KCNK12: variants seen among roughly 807,000 people sequenced by gnomAD.
KCNK12 encodes potassium two pore domain channel subfamily K member 12.
A neutral mutation model predicts 25.3 loss-of-function variants in KCNK12; 6 were observed. The ratio of observed to expected loss-of-function variants is 0.24; its 90% confidence interval spans 0.13 to 0.47. The LOEUF (loss-of-function observed/expected upper bound fraction) is 0.47, where lower values mean the gene tolerates loss of function less well. KCNK12 is among the 20% of genes least tolerant of loss of function. KCNK12 has a pLI of 0.99. For missense variants in KCNK12, 444 were observed against 661.7 expected (o/e 0.67, Z 3.61); for synonymous variants, 331 against 311.1 (o/e 1.06, Z -0.67).
At chr2:47,567,979 G>A (rs910777142) in intron 1 of KCNK12, among the ~76,000 whole-genome samples, 1 of 152,134 alleles carries the variant, frequency 6.6e-6, no homozygotes, top group Non-Finnish European at 1.5e-5. Flanking sequence ...GCCTCCAAAG[G>A]AGCACCGAAT....
rs1008754462 is a variant in KCNK12, at chr2:47,540,825, C to G, written c.392-19017G>C. 6.6e-6 allele frequency among the ~76,000 whole-genome samples: 1 copy of G among 151,896 alleles called. No individual in the cohort carries two copies. Among genetic ancestry groups the G allele is most frequent in the Non-Finnish European group, 1.5e-5 (1 of 68,026 alleles). ...AGCAAGCTGGGCATGGTGGCTCACA[C>G]CTGTAGTTCCAGCTACTCAGGAGGC... On this transcript the variant is annotated intron_variant, in intron 1 of 1. Coordinates refer to ENST00000327876, the MANE Select transcript of KCNK12 (RefSeq NM_022055.2). This position sits in a 1 kb window ranked among gnomAD's most constrained non-coding sequence, Gnocchi z 5.4.
At chr2:47,535,052 C>T (rs1012411673) in intron 1 of KCNK12, 12 of 228,398 alleles carry the variant, frequency 5.3e-5, no homozygotes, top group Admixed American at 1.7e-4. Context: ...TGAGGGGGCA[C>T]GCAGAGCCCT....
At position 47,569,692 on chromosome 2, in the gene KCNK12, C is replaced by G. The variant is rs1480984518; in HGVS notation, c.391+249G>C. On this transcript the variant is annotated intron_variant, in intron 1 of 1. Coordinates refer to ENST00000327876, the MANE Select transcript of KCNK12 (RefSeq NM_022055.2). The surrounding 1 kb of genome is among the most constrained non-coding windows in gnomAD (Gnocchi z 4.1). ...GCTCACAAAGGTCAGATCACAGAGC[C>G]GGCCAGTGTTGGAGCACAGGCGGCC... is the stretch of plus-strand genomic sequence containing the variant. 6.6e-6 allele frequency among the ~76,000 whole-genome samples: 1 copy of G among 152,136 alleles called. No individual in the cohort carries two copies. Among genetic ancestry groups the G allele is most frequent in the Non-Finnish European group, 1.5e-5 (1 of 68,036 alleles).
intron 1 of KCNK12, among the ~76,000 whole-genome samples, chr2:47,531,409 G>T (rs1354824453): frequency 6.6e-6 from 1 of 152,044 alleles, no homozygotes; most frequent in Non-Finnish European, 1.5e-5. Context: ...GGAGGTCAAG[G>T]CTGCAGTGAG....
At chr2:47,564,404 G>A (rs759341087) in intron 1 of KCNK12, 5 of 226,008 alleles carry the variant, frequency 2.2e-5, no homozygotes, top group Non-Finnish European at 4.4e-5. Context: ...GATGATCACT[G>A]TGTCATTACT....
chr2:47,514,637 G>A lies in KCNK12; in HGVS notation c.*6270C>T, dbSNP rs549860312. On this transcript the variant is annotated 3_prime_UTR_variant, in exon 2 of 2. Transcript: ENST00000327876. The surrounding 1 kb of genome is among the most constrained non-coding windows in gnomAD (Gnocchi z 5.0). ...TTTTTTTCTTTCTTTTTGAGACAGG[G>A]TCTTACTCTGTCACCAAGGCTGGAG... is the stretch of plus-strand genomic sequence containing the variant. Among the ~76,000 whole-genome samples, 2 of 150,468 alleles carry A rather than the reference G, an allele frequency of 1.3e-5. No individual in the cohort carries two copies. The highest frequency in any genetic ancestry group is 2.4e-5 in the African/African-American group (1 of 40,892).
At position 47,543,151 on chromosome 2, in the gene KCNK12, A is replaced by G. The variant is rs572531784; in HGVS notation, c.392-21343T>C. The stretch of plus-strand genomic sequence containing the variant: ...TTTACTTGAGCAGATGTATCAACGT[A>G]GCTGTGAATAAGGAGCTACCAGGGC... On this transcript the variant is annotated intron_variant, in intron 1 of 1. Coordinates refer to ENST00000327876, the MANE Select transcript of KCNK12 (RefSeq NM_022055.2). Among the ~76,000 whole-genome samples the G allele has an allele frequency of 1.3e-4, 20 of 152,250 alleles. No homozygotes were observed. In the South Asian group the frequency reaches 2.1e-3, roughly 16 times the overall value.
At chr2:47,532,728 C>A (rs759898359) in intron 1 of KCNK12, among the ~76,000 whole-genome samples, 5 of 152,338 alleles carry the variant, frequency 3.3e-5, no homozygotes, top group Non-Finnish European at 7.3e-5. Flanking sequence ...TTGCCTGGCA[C>A]TTTTAGGTGC....
chr2:47,521,663 G>T lies in KCNK12; in HGVS notation c.537C>A (p.Cys179Ter). Residue 179 changes from cysteine to a stop codon, truncating the protein, a stop_gained, in exon 2 of 2, where the codon TGC becomes TGA. Transcript: ENST00000327876. LOFTEE classifies it high-confidence loss of function. ...ISLLAFIMRA[C>*]RERQLRRSGL... ...CGCTGCGGCGCAGCTGGCGCTCCCG[G>T]CAGGCGCGCATGATGAAGGCCAGCA... is the stretch of plus-strand genomic sequence containing the variant. The T allele has an allele frequency of 6.3e-7, 1 of 1,596,710 alleles. No homozygotes were observed. The highest frequency in any genetic ancestry group is 8.5e-7 in the Non-Finnish European group (1 of 1,173,906).
At chr2:47,544,712 C>G (rs1482018486) in intron 1 of KCNK12, among the ~76,000 whole-genome samples, 1 of 152,198 alleles carries the variant, frequency 6.6e-6, no homozygotes, top group African/African-American at 2.4e-5. Context: ...ATTACTCACA[C>G]AGTCTTCACC....
At chr2:47,550,019 G>T (rs1045918297) in intron 1 of KCNK12, among the ~76,000 whole-genome samples, 1 of 151,122 alleles carries the variant, frequency 6.6e-6, no homozygotes, top group Non-Finnish European at 1.5e-5. Flanking sequence ...TGCTGAAAAA[G>T]GTTGAACTTG....
intron 1 of KCNK12, among the ~76,000 whole-genome samples, chr2:47,524,679 G>A (rs1401049652): frequency 6.6e-6 from 1 of 152,134 alleles, no homozygotes; most frequent in African/African-American, 2.4e-5. Flanking sequence ...TGTTGACCTG[G>A]GTGGTAGTTA....
intron 1 of KCNK12, among the ~76,000 whole-genome samples, chr2:47,532,661 C>A (rs1221694995): frequency 6.6e-6 from 1 of 152,228 alleles, no homozygotes; most frequent in East Asian, 1.9e-4. Flanking sequence ...ACATTGGGAG[C>A]ACCTCCTAGC....
rs1459589682 is a variant in KCNK12, at chr2:47,533,373, C to G, written c.392-11565G>C. ...TGAGGATGTAGTTCCCACATGCATC[C>G]CACAGTGCCCGGGACATAGTAAGCT... is the stretch of plus-strand genomic sequence containing the variant. On this transcript the variant is annotated intron_variant, in intron 1 of 1. Coordinates refer to ENST00000327876, the MANE Select transcript of KCNK12 (RefSeq NM_022055.2). This position sits in a 1 kb window ranked among gnomAD's most constrained non-coding sequence, Gnocchi z 4.7. Among the ~76,000 whole-genome samples the G allele has an allele frequency of 6.6e-6, 1 of 152,154 alleles. No individual in the cohort carries two copies. The highest frequency in any genetic ancestry group is 2.4e-5 in the African/African-American group (1 of 41,436).
intron 1 of KCNK12, among the ~76,000 whole-genome samples, chr2:47,535,671 C>T (rs1669052181): frequency 6.6e-6 from 1 of 152,090 alleles, no homozygotes; most frequent in Admixed American, 6.6e-5. Flanking sequence ...GTCATTATGC[C>T]GGTGAGGAAA....
rs529445666 is a variant in KCNK12 at position 47,534,423 on chromosome 2, C to T, written c.392-12615G>A. 3.7e-5 allele frequency among the ~76,000 whole-genome samples: 5 copies of T among 134,634 alleles called. No homozygotes were observed. In the East Asian group the frequency reaches 7.3e-4, roughly 20 times the overall value. The allele number at this position is 134,634 out of a possible 152,430, so 88.3% of individuals were successfully genotyped here. On this transcript the variant is annotated intron_variant, in intron 1 of 1. Coordinates refer to ENST00000327876, the MANE Select transcript of KCNK12 (RefSeq NM_022055.2). ...GAAGATGACTCATTTACATACAGCC[C>T]GTCTCCAGGCCCCCCCCACCGCCAC...
chr2:47,556,689 A>T lies in KCNK12; in HGVS notation c.391+13252T>A, dbSNP rs984849596. Among the ~76,000 whole-genome samples the T allele has an allele frequency of 1.3e-5, 2 of 152,196 alleles. No individual in the cohort carries two copies. Among genetic ancestry groups the T allele is most frequent in the African/African-American group, 2.4e-5 (1 of 41,458 alleles). On this transcript the variant is annotated intron_variant, in intron 1 of 1. Coordinates refer to ENST00000327876, the MANE Select transcript of KCNK12 (RefSeq NM_022055.2). The surrounding 1 kb of genome is among the most constrained non-coding windows in gnomAD (Gnocchi z 4.8). Reference sequence around the variant, plus strand: ...GGCAAGGAAGTTAAGGGTCTCTGAAAAGGGAATGAATCCAAGCTGAGTTAA... The same window carrying T: ...GGCAAGGAAGTTAAGGGTCTCTGAATAGGGAATGAATCCAAGCTGAGTTAA...
chr2:47,533,098 C>T lies in KCNK12; in HGVS notation c.392-11290G>A, dbSNP rs1668972264. On this transcript the variant is annotated intron_variant, in intron 1 of 1. Coordinates refer to ENST00000327876, the MANE Select transcript of KCNK12 (RefSeq NM_022055.2). The surrounding 1 kb of genome is among the most constrained non-coding windows in gnomAD (Gnocchi z 4.7). ...TGATCTTGGCTCACTGCAACCTCCA[C>T]CTCCCAGGTTCAAGCCATTCTCCTG... Among the ~76,000 whole-genome samples, 1 of 152,178 alleles carries T rather than the reference C, an allele frequency of 6.6e-6. No individual in the cohort carries two copies. The highest frequency in any genetic ancestry group is 2.4e-5 in the African/African-American group (1 of 41,432).
Position 47,535,065 on chromosome 2 carries a change from G to A in KCNK12, c.392-13257C>T, listed in dbSNP as rs551821431. ...GCTGAGGGGGCACGCAGAGCCCTCG[G>A]GGACGACTCAATGCACAGAGGCCAC... On this transcript the variant is annotated intron_variant, in intron 1 of 1. Transcript: ENST00000327876. 1.7e-5 allele frequency: 4 copies of A among 229,542 alleles called. No homozygotes were observed. In the East Asian group the frequency reaches 2.5e-4, roughly 14 times the overall value. The allele number at this position is 229,542 out of a possible 1,614,324, so 14.2% of individuals were successfully genotyped here.
Sources: gnomAD v4.1 joint callset for allele counts (sites outside exome capture counted in the v4.1 genomes callset) on GRCh38, gnomAD v4.1.1 for gene constraint, Gnocchi (gnomAD v3.1) non-coding constraint, MANE v1.5 for transcripts, NCBI Gene and HGNC (gene_info 2026-07-23, HGNC 2026-07-21) for gene names.